The following ZNF333 variants were observed in gnomAD, a reference collection of about 807,000 sequenced individuals.
The protein encoded by ZNF333 is zinc finger protein 333.
ZNF333 carries 61 observed loss-of-function variants against 76.1 expected under a neutral mutation model. The ratio of observed to expected loss-of-function variants is 0.80; its 90% CI spans 0.65 to 0.99. The LOEUF is 0.99. ZNF333 is among the 50% of genes least tolerant of loss of function. The probability of loss-of-function intolerance (pLI) is 0.00; values close to 1 mark genes in which losing one functional copy is unlikely to be tolerated. For synonymous variants in ZNF333, 284 were observed against 305.0 expected, an observed-to-expected ratio of 0.93 and a Z score of 0.72; for missense variants, 717 against 822.4, an observed-to-expected ratio of 0.87 and a Z score of 1.57.
At chr19:14,726,281 T>G (rs1431043923), downstream of ZNF333, among the ~76,000 whole-genome samples, 3 of 152,144 alleles carry the variant, frequency 2.0e-5, no homozygotes, top group African/African-American at 7.2e-5. Flanking sequence ...GCTAAATCAT[T>G]CTTTTCTCCT....
chr19:14,731,791 A>G (rs2042673672), exon 12 of ZNF333: 1 of 152,202 alleles, frequency 6.6e-6, no homozygotes, highest in African/African-American at 2.4e-5. Flanking sequence ...TTTCTTACTT[A>G]ATATTCAAAC....
In ZNF333 at chr19:14,719,502, C is replaced by CA; in HGVS notation, c.*181dup. Reference sequence around the variant, plus strand: ...ATCTATTATTTGGAATTAGATTTTTCAAAACTAATATGTGGATATATTTTC... The same window carrying CA: ...ATCTATTATTTGGAATTAGATTTTTCAAAAACTAATATGTGGATATATTTTC... On this transcript the variant is annotated 3_prime_UTR_variant, in exon 12 of 12. Transcript: ENST00000292530. 3 of 1,091,200 alleles carry CA rather than the reference C, an allele frequency of 2.7e-6. No individual in the cohort carries two copies. The highest frequency in any genetic ancestry group is 3.8e-6 in the Non-Finnish European group (3 of 797,530). 67.6% of individuals were successfully genotyped at this position (1,091,200 alleles called of 1,614,324 possible).
Position 14,716,344 on chromosome 19 carries a change from C to T in ZNF333, c.727+106C>T, listed in dbSNP as rs566171695. 363 of 1,335,612 alleles carry T rather than the reference C, an allele frequency of 2.7e-4. 1 individual carries two copies. The Middle Eastern group carries it at 4.7e-3, about 17-fold the overall frequency. The allele number at this position is 1,335,612 out of a possible 1,614,324, so 82.7% of individuals were successfully genotyped here. ...CGTGACCTTGGCTCACTGCAACCTC[C>T]GCTTCCTGGGCTCAGGTGATCCTCC... On this transcript the variant is annotated intron_variant, in intron 9 of 11. Transcript: ENST00000292530.
intron 6 of ZNF333, chr19:14,706,333 G>T (rs4809215): frequency 0.69 from 261,809 of 380,304 alleles, 92,824 homozygotes; most frequent in African/African-American, 0.87. Flanking sequence ...TGCCTGCTCC[G>T]CATTCACGCA....
exon 12 of ZNF333, chr19:14,733,338 A>G (rs1483305188): frequency 2.0e-5 from 3 of 152,214 alleles, no homozygotes; most frequent in African/African-American, 7.2e-5. Flanking sequence ...AGCAGCCAAA[A>G]AAAGCAGACA....
chr19:14,695,395 T>C (rs1375652228), intron 3 of ZNF333, among the ~76,000 whole-genome samples, 171 bp from the exon 4 acceptor site: 3 of 152,172 alleles, frequency 2.0e-5, no homozygotes, highest in African/African-American at 7.2e-5. Flanking sequence ...GGTTGGGTCC[T>C]GAGTTCATTA....
Position 14,695,653 on chromosome 19 carries a change from C to G in ZNF333, c.215C>G (p.Thr72Arg). The G allele has an allele frequency of 6.2e-7, 1 of 1,614,130 alleles. No homozygotes were observed. The highest frequency in any genetic ancestry group is 2.2e-5 in the East Asian group (1 of 44,878). Residue 72 changes from threonine to arginine, a missense_variant, in exon 4 of 12, where the codon ACA (threonine) becomes AGA (arginine). By Grantham distance (71) the Thr-to-Arg change is moderately conservative. Coordinates refer to ENST00000292530, the MANE Select transcript of ZNF333 (RefSeq NM_032433.4). ...KATERGILRA[T>R]GVAWESQLKP... ...ACAGAACGAGGGATTCTCCGTGCCA[C>G]AGGTGTTGGTGAGTACCAGGCAGGC... is the stretch of plus-strand genomic sequence containing the variant.
In ZNF333 at chr19:14,699,078, A is replaced by C. The variant is rs371790432; in HGVS notation, c.224-121A>C. On this transcript the variant is annotated intron_variant, in intron 4 of 11. Coordinates refer to ENST00000292530, the MANE Select transcript of ZNF333 (RefSeq NM_032433.4). Reference sequence around the variant, plus strand: ...TTGAATATTTATATTCAACATTAAAAGAAAAAGCCTATGTGTGTATAGTGT... The same window carrying C: ...TTGAATATTTATATTCAACATTAAACGAAAAAGCCTATGTGTGTATAGTGT... 4.8e-4 allele frequency: 312 copies of C among 646,792 alleles called. 2 individuals are homozygous for C. The East Asian group carries it at 8.4e-3, about 17-fold the overall frequency. The allele number at this position is 646,792 out of a possible 1,614,324, so 40.1% of individuals were successfully genotyped here. A position where few individuals can be genotyped will look rare whatever the true frequency, so the allele number is the denominator to read the frequency against.
At position 14,717,029 on chromosome 19, in the gene ZNF333, T is replaced by C; in HGVS notation, c.763T>C (p.Leu255=). The C allele has an allele frequency of 6.2e-7, 1 of 1,612,390 alleles. No individual in the cohort carries two copies. Among genetic ancestry groups the C allele is most frequent in the East Asian group, 2.2e-5 (1 of 44,878 alleles). Residue 255 remains leucine (L), a synonymous_variant, in exon 10 of 12, where the codon TTG becomes CTG. Coordinates refer to ENST00000292530, the MANE Select transcript of ZNF333 (RefSeq NM_032433.4). ...GTGCAAACCCAATGCGTTGTCTTAT[T>C]TGGAAGAAAGAGGAGAGCAGTGGAC... ...QLCKPNALSY[L]EERGEQWTTD...
chr19:14,696,032 G>A (rs1973161258), intron 4 of ZNF333, among the ~76,000 whole-genome samples: 1 of 152,132 alleles, frequency 6.6e-6, no homozygotes, highest in Non-Finnish European at 1.5e-5. Flanking sequence ...TTAGCCGGAT[G>A]TGATGGTGCA....
chr19:14,707,529 A>G (rs1354582659), intron 7 of ZNF333, among the ~76,000 whole-genome samples: 1 of 151,018 alleles, frequency 6.6e-6, no homozygotes, highest in Non-Finnish European at 1.5e-5. Flanking sequence ...GCCTTCTAGT[A>G]AGAATAATAA....
chr19:14,697,357 C>CTTTTTTTTTTTTTTTTTTTT (rs139125023), intron 4 of ZNF333, among the ~76,000 whole-genome samples: 4 of 90,824 alleles, frequency 4.4e-5, no homozygotes, highest in African/African-American at 8.9e-5. Context: ...TTTTTCTTTT[C>CTTTTTTTTTTTTTTTTTTTT]TTTTTTTTTT....
chr19:14,716,874 T>C (rs981706099), intron 9 of ZNF333, 120 bp from the exon 10 acceptor site: 2 of 818,484 alleles, frequency 2.4e-6, no homozygotes, highest in Non-Finnish European at 3.8e-6. Context: ...GCCATCAGAA[T>C]TTAGGCACAT....
chr19:14,695,214 C>A, intron 3 of ZNF333, 81 bp downstream of exon 3: 1 of 1,535,738 alleles, frequency 6.5e-7, no homozygotes, highest in Non-Finnish European at 8.8e-7. Flanking sequence ...AGAAGACAGA[C>A]GTGGCTTAGG....
chr19:14,714,499 C>G (rs2042368926), intron 7 of ZNF333, among the ~76,000 whole-genome samples: 1 of 152,092 alleles, frequency 6.6e-6, no homozygotes, highest in African/African-American at 2.4e-5. Context: ...GAGGCGTGGC[C>G]CTGCTGAGCT....
chr19:14,727,338 G>A (rs2042640414), intron 11 of ZNF333, among the ~76,000 whole-genome samples: 1 of 152,098 alleles, frequency 6.6e-6, no homozygotes, highest in African/African-American at 2.4e-5. Flanking sequence ...CAAGAAAAGA[G>A]GTTTAATTGG....
intron 5 of ZNF333, 35 bp downstream of exon 5, chr19:14,699,316 T>C (rs1389630608): frequency 1.9e-6 from 3 of 1,581,536 alleles, no homozygotes; most frequent in Admixed American, 3.3e-5. Context: ...GCTCCCAGCA[T>C]GGGAGAAGTT....
At chr19:14,699,413 G>C (rs1343173483) in intron 5 of ZNF333, 132 bp downstream of exon 5, 2 of 775,124 alleles carry the variant, frequency 2.6e-6, no homozygotes, top group African/African-American at 3.5e-5. Flanking sequence ...CAGTGTCTGA[G>C]GGGAGTGCCT....
chr19:14,708,196 C>T (rs547857645), intron 7 of ZNF333: 21 of 391,110 alleles, frequency 5.4e-5, no homozygotes, highest in Admixed American at 1.8e-4. Context: ...TTAGTAAAGA[C>T]GGGGTTTCAC....
Sources: allele counts gnomAD v4.1 joint callset (sites outside exome capture counted in the v4.1 genomes callset), GRCh38; gene constraint gnomAD v4.1.1; transcripts MANE v1.5; gene names NCBI Gene and HGNC (gene_info 2026-07-23, HGNC 2026-07-21).